Variants in CEP295 observed in about 807,000 individuals in gnomAD.
CEP295 encodes centrosomal protein of 295 kDa.
Under a neutral mutation model 291.6 loss-of-function variants are expected in CEP295, and 190 were observed. That is an observed-to-expected ratio of 0.65 (90% CI 0.58 to 0.73). The LOEUF (loss-of-function observed/expected upper bound fraction) is 0.73, where lower values mean the gene tolerates loss of function less well. CEP295 is among the 30% of genes least tolerant of loss of function. The pLI, the probability that CEP295 is intolerant of heterozygous loss-of-function variation, is 0.00. For synonymous variants in CEP295, 993 were observed against 1,038.8 expected, an observed-to-expected ratio of 0.96 and a Z score of 0.85; for missense variants, 2,863 against 2,949.4, an observed-to-expected ratio of 0.97 and a Z score of 0.68.
At chr11:93,675,973 T>C (rs1731041465) in intron 6 of CEP295, among the ~76,000 whole-genome samples, 1 of 152,028 alleles carries the variant, frequency 6.6e-6, no homozygotes, top group Non-Finnish European at 1.5e-5. Context: ...GTGTAAACTA[T>C]TGGGAAAACA....
rs7108940 is a variant in CEP295, at chr11:93,722,983, C to T, written c.5948-58C>T. The T allele has an allele frequency of 4.2e-6, 6 of 1,437,134 alleles. No homozygotes were observed. In the African/African-American group the frequency reaches 5.7e-5, roughly 14 times the overall value. The allele number at this position is 1,437,134 out of a possible 1,614,324, so 89.0% of individuals were successfully genotyped here. A position where few individuals can be genotyped will look rare whatever the true frequency, so the allele number is the denominator to read the frequency against. On this transcript the variant is annotated intron_variant, in intron 20 of 29. Coordinates refer to ENST00000325212, the MANE Select transcript of CEP295 (RefSeq NM_033395.2). ...TCGGCCTCCCAAAGTGCTGGTATTA[C>T]AGGCGTGAGCCATCACGCCTGGCCT...
chr11:93,708,308 G>A lies in CEP295; in HGVS notation c.5749+1411G>A, dbSNP rs7951514. Among the ~76,000 whole-genome samples, 1,208 of 152,050 alleles carry A rather than the reference G, an allele frequency of 7.9e-3. 21 individuals are homozygous for A. Among genetic ancestry groups the A allele is most frequent in the East Asian group, 0.052 (271 of 5,166 alleles). On this transcript the variant is annotated intron_variant, in intron 18 of 29. Coordinates refer to ENST00000325212, the MANE Select transcript of CEP295 (RefSeq NM_033395.2). ...CACTCCCCCAACGACCCCCAACTACGCTTCCCAGCCTCTGATAACCTTTGT... is the reference window on the plus strand; with the variant it reads ...CACTCCCCCAACGACCCCCAACTACACTTCCCAGCCTCTGATAACCTTTGT...
At chr11:93,669,376 G>C (rs1353481606) in intron 4 of CEP295, among the ~76,000 whole-genome samples, 1 of 149,838 alleles carries the variant, frequency 6.7e-6, no homozygotes, top group Non-Finnish European at 1.5e-5. Context: ...TAAGGGCCCT[G>C]TTACTAGTTA....
At chr11:93,725,113 G>A (rs922002404) in intron 22 of CEP295, among the ~76,000 whole-genome samples, 1 of 151,954 alleles carries the variant, frequency 6.6e-6, no homozygotes, top group African/African-American at 2.4e-5. Flanking sequence ...AAAATTAGTT[G>A]GGTGTGATGG....
intron 18 of CEP295, among the ~76,000 whole-genome samples, chr11:93,710,711 G>A (rs539847939): frequency 1.6e-4 from 25 of 152,216 alleles, no homozygotes; most frequent in South Asian, 4.1e-4. Context: ...TTAAGTGTTC[G>A]GTAAAATTCA....
intron 5 of CEP295, among the ~76,000 whole-genome samples, chr11:93,670,711 G>A (rs1364554415): frequency 6.6e-6 from 1 of 152,032 alleles, no homozygotes; most frequent in Non-Finnish European, 1.5e-5. Context: ...CACTCCTTCG[G>A]TACAAAGTGA....
At chr11:93,678,434 CTG>C (rs1565438979) in intron 6 of CEP295, among the ~76,000 whole-genome samples, 27 of 152,128 alleles carry the variant, frequency 1.8e-4, no homozygotes, top group Non-Finnish European at 1.5e-5. Flanking sequence ...AATTTAATAA[CTG>C]TCAATCTCTC....
intron 17 of CEP295, 43 bp downstream of exon 17, chr11:93,702,962 C>T (rs1254380574): frequency 3.3e-6 from 5 of 1,497,654 alleles, no homozygotes; most frequent in Non-Finnish European, 3.6e-6. Context: ...AAATAATTTG[C>T]CAGTTTTCTA....
chr11:93,667,671 A>G lies in CEP295; in HGVS notation c.173A>G (p.Gln58Arg). The change falls in exon 3 of 30, where the codon CAA (glutamine) becomes CGA (arginine). Residue 58 changes from glutamine (Q) to arginine (R), a missense_variant. Around this residue, in one of 3 missense-constraint regions of CEP295, gnomAD observed 554 missense variants for 576.0 expected, o/e 0.96. Coordinates refer to ENST00000325212, the MANE Select transcript of CEP295 (RefSeq NM_033395.2). ...GAAGACATAAAACAGAGGAGAAATCAACAATTTACACGTTTGGCAGAGGAG... is the reference window on the plus strand; with the variant it reads ...GAAGACATAAAACAGAGGAGAAATCGACAATTTACACGTTTGGCAGAGGAG... ...IREDIKQRRN[Q>R]QFTRLAEELR... 7 of 1,551,614 alleles carry G rather than the reference A, an allele frequency of 4.5e-6. No homozygotes were observed. Among genetic ancestry groups the G allele is most frequent in the Non-Finnish European group, 6.1e-6 (7 of 1,146,846 alleles).
At chr11:93,662,022 G>T (rs752929365) in intron 1 of CEP295, among the ~76,000 whole-genome samples, 19 of 152,200 alleles carry the variant, frequency 1.2e-4, no homozygotes, top group Non-Finnish European at 2.6e-4. Flanking sequence ...CTCTCCTGGG[G>T]TCGGGTCGCG....
At chr11:93,705,897 A>G (rs1591091454) in intron 17 of CEP295, among the ~76,000 whole-genome samples, 1 of 152,304 alleles carries the variant, frequency 6.6e-6, no homozygotes, top group African/African-American at 2.4e-5. Flanking sequence ...AGTTTCTTCA[A>G]AGAAATACCT....
In CEP295 at chr11:93,706,780, C is replaced by A; in HGVS notation, c.5632C>A (p.Arg1878=). The A allele has an allele frequency of 6.5e-7, 1 of 1,548,644 alleles. No homozygotes were observed. Among genetic ancestry groups the A allele is most frequent in the Non-Finnish European group, 8.7e-7 (1 of 1,145,530 alleles). The change falls in exon 18 of 30, where the codon CGA becomes AGA. Residue 1878 remains arginine, a synonymous_variant. Coordinates refer to ENST00000325212, the MANE Select transcript of CEP295 (RefSeq NM_033395.2). The stretch of plus-strand genomic sequence containing the variant: ...TATTTATGAAGACAGAGACCCCCTG[C>A]GAGTCTCAATAAGCCGAGAACAAAG... ...PGIYEDRDPL[R]VSISREQSFF...
chr11:93,722,721 GA>G, intron 20 of CEP295: 1 of 230,320 alleles, frequency 4.3e-6, no homozygotes, highest in South Asian at 6.7e-5. Context: ...TGTCTGTAAG[GA>G]ATATTCCATT....
chr11:93,672,357 T>G (rs1950492946), intron 5 of CEP295, among the ~76,000 whole-genome samples: 1 of 152,212 alleles, frequency 6.6e-6, no homozygotes, highest in Non-Finnish European at 1.5e-5. Context: ...ACTTCTCATG[T>G]ATCTATACCA....
At chr11:93,711,130 T>C (rs978828178) in intron 18 of CEP295, among the ~76,000 whole-genome samples, 18 of 152,178 alleles carry the variant, frequency 1.2e-4, no homozygotes, top group African/African-American at 3.9e-4. Context: ...ATTATTTCTT[T>C]TCTTCCACCA....
At chr11:93,669,364 AT>A (rs934248396) in intron 4 of CEP295, among the ~76,000 whole-genome samples, 6 of 151,710 alleles carry the variant, frequency 4.0e-5, no homozygotes, top group Admixed American at 3.3e-4. Context: ...AAAGTAAAAA[AT>A]TAAGGGCCCT....
rs1234997225 is a variant in CEP295, at chr11:93,697,382, T to C, written c.2470T>C (p.Ser824Pro). The C allele has an allele frequency of 1.9e-6, 3 of 1,551,948 alleles. No homozygotes were observed. Among genetic ancestry groups the C allele is most frequent in the Non-Finnish European group, 2.6e-6 (3 of 1,147,070 alleles). Reference sequence around the variant, plus strand: ...CAAAAGTACAGTTTCCACAAGCCATTCTATAATCAGCCAAATGCATGATAG... The same window carrying C: ...CAAAAGTACAGTTTCCACAAGCCATCCTATAATCAGCCAAATGCATGATAG... The part of the protein sequence containing the change: ...MSKSTVSTSH[S>P]IISQMHDRPL... The change falls in exon 15 of 30, where the codon TCT becomes CCT. Residue 824 changes from serine to proline, a missense_variant. Around this residue, in one of 3 missense-constraint regions of CEP295, gnomAD observed 2,295 missense variants for 2,335.7 expected, o/e 0.98. Transcript: ENST00000325212.
chr11:93,683,694 C>T lies in CEP295; in HGVS notation c.901C>T (p.Gln301Ter). The part of the protein sequence containing the change: ...YKRSEMKEDW[Q>*]RELEFAFEDM... Reference sequence around the variant, plus strand: ...ACGCAGTGAAATGAAAGAAGACTGGCAGAGAGAATTGGAATTTGCCTTTGA... The same window carrying T: ...ACGCAGTGAAATGAAAGAAGACTGGTAGAGAGAATTGGAATTTGCCTTTGA... The change falls in exon 8 of 30, where the codon CAG becomes TAG. Residue 301 changes from glutamine to a stop codon, truncating the protein, a stop_gained. Coordinates refer to ENST00000325212, the MANE Select transcript of CEP295 (RefSeq NM_033395.2). LOFTEE classifies it high-confidence loss of function. 1 of 1,547,066 alleles carries T rather than the reference C, an allele frequency of 6.5e-7. No individual in the cohort carries two copies.
At chr11:93,724,814 TAAATAAA>T (rs1280724868) in intron 22 of CEP295, among the ~76,000 whole-genome samples, 1 of 151,912 alleles carries the variant, frequency 6.6e-6, no homozygotes, top group Non-Finnish European at 1.5e-5. Flanking sequence ...ATGGAAAACT[TAAATAAA>T]AAATAAAAAT....
Sources: allele counts gnomAD v4.1 joint callset (sites outside exome capture counted in the v4.1 genomes callset), GRCh38; gene constraint gnomAD v4.1.1; regional missense constraint gnomAD v4.1.1; transcripts MANE v1.5; gene names NCBI Gene and HGNC (gene_info 2026-07-23, HGNC 2026-07-21).